Variants in ROBO1 observed in about 807,000 individuals in gnomAD.
The protein encoded by ROBO1 is roundabout guidance receptor 1.
A neutral mutation model predicts 195.9 loss-of-function variants in ROBO1; 149 were observed. The ratio of observed to expected loss-of-function variants is 0.76; its 90% CI spans 0.67 to 0.87. The LOEUF (loss-of-function observed/expected upper bound fraction) is 0.87, where lower values mean the gene tolerates loss of function less well. Among genes scored for constraint, ROBO1 ranks in the 40% least tolerant of loss-of-function variants. The pLI is 0.00. For missense variants in ROBO1, 1,933 were observed against 2,068.3 expected (o/e 0.93, Z 1.27); for synonymous variants, 816 against 733.2 (o/e 1.11, Z -1.82).
intron 3 of ROBO1, among the ~76,000 whole-genome samples, chr3:79,057,623 G>C (rs1256818189): frequency 6.6e-6 from 1 of 151,848 alleles, no homozygotes; most frequent in Admixed American, 6.6e-5. Context: ...TATTACCCTG[G>C]AAATAACATC....
intron 2 of ROBO1, among the ~76,000 whole-genome samples, chr3:79,226,841 C>T (rs1437048807): frequency 1.3e-5 from 2 of 152,152 alleles, no homozygotes; most frequent in Non-Finnish European, 2.9e-5. Context: ...GCCACTGCAC[C>T]TGGCCAACTT....
At chr3:78,763,562 A>C (rs1180763115) in intron 4 of ROBO1, among the ~76,000 whole-genome samples, 1 of 152,208 alleles carries the variant, frequency 6.6e-6, no homozygotes, top group Non-Finnish European at 1.5e-5. Context: ...GCCTATAAGC[A>C]GACTTTACAA....
chr3:79,389,095 C>A (rs918484722), intron 2 of ROBO1, among the ~76,000 whole-genome samples: 2 of 151,816 alleles, frequency 1.3e-5, no homozygotes, highest in Admixed American at 6.6e-5. Context: ...TGGATGGGAG[C>A]AAGATTTCTT....
At chr3:79,399,235 A>T (rs185261942) in intron 2 of ROBO1, among the ~76,000 whole-genome samples, 1 of 152,236 alleles carries the variant, frequency 6.6e-6, no homozygotes, top group Admixed American at 6.5e-5. Context: ...GTCAGATCAT[A>T]TCAGTGTTTA....
intron 2 of ROBO1, among the ~76,000 whole-genome samples, chr3:79,175,592 C>T (rs760258225): frequency 2.2e-4 from 34 of 152,328 alleles, no homozygotes; most frequent in South Asian, 1.2e-3. Flanking sequence ...GCCTAAGATA[C>T]TTGCTTATTA....
intron 2 of ROBO1, among the ~76,000 whole-genome samples, chr3:79,322,139 C>T (rs2034007520): frequency 6.6e-6 from 1 of 152,114 alleles, no homozygotes; most frequent in Admixed American, 6.6e-5. Context: ...ACAAATTATG[C>T]TATCAATCAG....
chr3:79,614,147 T>C (rs1010090917), intron 1 of ROBO1, among the ~76,000 whole-genome samples: 1 of 152,066 alleles, frequency 6.6e-6, no homozygotes, highest in African/African-American at 2.4e-5. Context: ...CCAACCAATT[T>C]GACCTAATAG....
intron 5 of ROBO1, among the ~76,000 whole-genome samples, chr3:78,734,901 T>C (rs756652278): frequency 3.9e-5 from 6 of 152,152 alleles, no homozygotes; most frequent in Non-Finnish European, 8.8e-5. Flanking sequence ...ACCCCGACTA[T>C]GGTCCTGGAG....
chr3:79,578,620 G>A (rs1235493124), intron 2 of ROBO1, among the ~76,000 whole-genome samples: 1 of 152,174 alleles, frequency 6.6e-6, no homozygotes, highest in Non-Finnish European at 1.5e-5. Flanking sequence ...ACAGCACAGT[G>A]TCTACTGGAG....
chr3:79,420,486 AG>A (rs1352521554), intron 2 of ROBO1, among the ~76,000 whole-genome samples: 1 of 152,106 alleles, frequency 6.6e-6, no homozygotes, highest in Non-Finnish European at 1.5e-5. Context: ...GCCATTGATA[AG>A]GATAGCATAT....
intron 8 of ROBO1, among the ~76,000 whole-genome samples, chr3:78,689,249 T>C (rs1367060405): frequency 6.6e-6 from 1 of 152,160 alleles, no homozygotes; most frequent in African/African-American, 2.4e-5. Flanking sequence ...ATTATTTGAA[T>C]AGAAATGAAT....
intron 2 of ROBO1, among the ~76,000 whole-genome samples, chr3:79,401,237 C>T (rs2106784580): frequency 6.6e-6 from 1 of 151,690 alleles, no homozygotes; most frequent in South Asian, 2.1e-4. Context: ...AATATCTGTC[C>T]AGTCATTCAT....
intron 1 of ROBO1, among the ~76,000 whole-genome samples, chr3:79,756,782 A>G (rs925250472): frequency 1.7e-4 from 26 of 151,996 alleles, no homozygotes; most frequent in African/African-American, 6.3e-4. Flanking sequence ...CAAACTGAAA[A>G]CTCTGTATTC....
At chr3:79,648,320 T>C (rs1945895555) in intron 1 of ROBO1, among the ~76,000 whole-genome samples, 1 of 152,034 alleles carries the variant, frequency 6.6e-6, no homozygotes, top group Admixed American at 6.6e-5. Flanking sequence ...AGCCATAAAC[T>C]TGACTCCGCT....
intron 5 of ROBO1, among the ~76,000 whole-genome samples, chr3:78,724,513 T>TAAAAAA (rs138643700): frequency 2.2e-5 from 2 of 89,654 alleles, no homozygotes; most frequent in African/African-American, 8.6e-5. Context: ...CCATCTCTAC[T>TAAAAAA]AAAAAAAAAA....
intron 2 of ROBO1, among the ~76,000 whole-genome samples, chr3:79,577,717 A>AACACACACACACACAC (rs58998352): frequency 2.6e-4 from 36 of 140,718 alleles, no homozygotes; most frequent in African/African-American, 8.9e-4. Context: ...CTTTACTAAA[A>AACACACACACACACAC]ACACACACAC....
chr3:79,340,911 TA>T (rs999946305), intron 2 of ROBO1, among the ~76,000 whole-genome samples: 1 of 152,160 alleles, frequency 6.6e-6, no homozygotes, highest in African/African-American at 2.4e-5. Flanking sequence ...TGATTTTAGA[TA>T]ATATAAAAGA....
At position 79,174,155 on chromosome 3, in the gene ROBO1, G is replaced by A. The variant is rs537752236; in HGVS notation, c.89-48616C>T. Among the ~76,000 whole-genome samples the A allele has an allele frequency of 2.6e-5, 4 of 152,168 alleles. No individual in the cohort carries two copies. The East Asian group carries it at 7.7e-4, about 29-fold the overall frequency. Reference sequence around the variant, plus strand: ...TCCCCTTCCACACTGTGGAAGCTTTGTTCTTTCGCTCTTTGCAATAAATCT... The same window carrying A: ...TCCCCTTCCACACTGTGGAAGCTTTATTCTTTCGCTCTTTGCAATAAATCT... On this transcript the variant is annotated intron_variant, in intron 2 of 30. Coordinates refer to ENST00000464233, the MANE Select transcript of ROBO1 (RefSeq NM_002941.4).
At chr3:79,310,020 CTAAT>C in intron 2 of ROBO1, among the ~76,000 whole-genome samples, 1 of 152,176 alleles carries the variant, frequency 6.6e-6, no homozygotes, top group Middle Eastern at 3.4e-3. Context: ...TTTTACATAA[CTAAT>C]TGAGCATCCA....
Sources: gnomAD v4.1 joint callset for allele counts (sites outside exome capture counted in the v4.1 genomes callset) on GRCh38, gnomAD v4.1.1 for gene constraint, MANE v1.5 for transcripts, NCBI Gene and HGNC (gene_info 2026-07-23, HGNC 2026-07-21) for gene names.